The following MAP2K1 variants were observed in gnomAD, a reference collection of about 807,000 sequenced individuals.
The protein encoded by MAP2K1 is dual specificity mitogen-activated protein kinase kinase 1.
MAP2K1 carries 16 observed loss-of-function variants against 46.3 expected under a neutral mutation model. The ratio of observed to expected loss-of-function variants is 0.35; its 90% CI spans 0.23 to 0.52. The LOEUF is 0.52. Ranked by LOEUF, MAP2K1 falls within the 20% of genes least tolerant of loss-of-function variation. The pLI is 0.94. For missense variants in MAP2K1, 263 were observed against 497.1 expected, an observed-to-expected ratio of 0.53 and a Z score of 4.48; for synonymous variants, 183 against 185.6, an observed-to-expected ratio of 0.99 and a Z score of 0.11.
intron 3 of MAP2K1, among the ~76,000 whole-genome samples, chr15:66,438,714 G>A (rs1383298003): frequency 6.6e-6 from 1 of 152,186 alleles, no homozygotes; most frequent in South Asian, 2.1e-4. Flanking sequence ...ACAAGTCTCT[G>A]GAGTTATCGT....
Position 66,489,282 on chromosome 15 carries a change from T to G in MAP2K1, c.1022+6T>G, listed in dbSNP as rs781015814. On this transcript the variant is annotated splice_donor_region_variant and intron_variant, in intron 9 of 10. Transcript: ENST00000307102. ...CAAGATTTTGTGAATAAATGGTAAGTTGGCTCCTTGTTCTCTGGAAGCGTA... is the reference window on the plus strand; with the variant it reads ...CAAGATTTTGTGAATAAATGGTAAGGTGGCTCCTTGTTCTCTGGAAGCGTA... 1.2e-6 allele frequency: 2 copies of G among 1,613,192 alleles called. No homozygotes were observed. The highest frequency in any genetic ancestry group is 1.7e-6 in the Non-Finnish European group (2 of 1,179,122).
chr15:66,420,900 C>T (rs1196097533), intron 1 of MAP2K1, among the ~76,000 whole-genome samples: 14 of 126,912 alleles, frequency 1.1e-4, no homozygotes, highest in African/African-American at 3.6e-4. Context: ...TATACACATA[C>T]ATACATACAC....
intron 6 of MAP2K1, among the ~76,000 whole-genome samples, chr15:66,483,220 A>T (rs1892954128): frequency 6.6e-6 from 1 of 152,048 alleles, no homozygotes; most frequent in Non-Finnish European, 1.5e-5. Context: ...ACACATCCTC[A>T]TTCCTTCTTG....
chr15:66,434,519 G>A (rs1205746990), intron 1 of MAP2K1, among the ~76,000 whole-genome samples: 5 of 152,100 alleles, frequency 3.3e-5, no homozygotes, highest in African/African-American at 1.2e-4. Flanking sequence ...ATTTTTTGCT[G>A]TGACTTTTTT....
At chr15:66,424,273 A>G (rs1274236478) in intron 1 of MAP2K1, among the ~76,000 whole-genome samples, 1 of 148,216 alleles carries the variant, frequency 6.7e-6, no homozygotes, top group Non-Finnish European at 1.5e-5. Context: ...GGCCAGGCTG[A>G]TGTCGAACTC....
Position 66,491,085 on chromosome 15 carries a change from A to G in MAP2K1, c.*470A>G. 5.7e-6 allele frequency: 2 copies of G among 353,880 alleles called. No homozygotes were observed. Among genetic ancestry groups the G allele is most frequent in the South Asian group, 7.5e-5 (2 of 26,558 alleles). The allele number at this position is 353,880 out of a possible 1,614,324, so 21.9% of individuals were successfully genotyped here. ...TGCATGTGAAGCATGCTTTGCTGCT[A>G]TGAAAATGAGCATCAGAGAGTGTAC... On this transcript the variant is annotated 3_prime_UTR_variant, in exon 11 of 11. Transcript: ENST00000307102.
rs749280724 is a variant in MAP2K1, at chr15:66,490,696, T to G, written c.*81T>G. On this transcript the variant is annotated 3_prime_UTR_variant, in exon 11 of 11. Coordinates refer to ENST00000307102, the MANE Select transcript of MAP2K1 (RefSeq NM_002755.4). ...TTTGGGCCTCCTTCCCATGCCTGTC[T>G]CTGTTCAGATGTGCATTTCACCTGT... The G allele has an allele frequency of 2.1e-6, 2 of 950,670 alleles. No individual in the cohort carries two copies. The highest frequency in any genetic ancestry group is 2.6e-5 in the South Asian group (2 of 77,424). 58.9% of individuals were successfully genotyped at this position (950,670 alleles called of 1,614,324 possible).
At chr15:66,467,752 G>A (rs1340891056) in intron 5 of MAP2K1, among the ~76,000 whole-genome samples, 1 of 152,128 alleles carries the variant, frequency 6.6e-6, no homozygotes, top group African/African-American at 2.4e-5. Context: ...GTAGAGATGG[G>A]GTTTTACCAT....
chr15:66,392,077 GA>G (rs1229373495), intron 1 of MAP2K1, among the ~76,000 whole-genome samples: 1 of 152,032 alleles, frequency 6.6e-6, no homozygotes, highest in Admixed American at 6.6e-5. Flanking sequence ...CCTACATGAG[GA>G]GGGAATCTTG....
intron 1 of MAP2K1, among the ~76,000 whole-genome samples, chr15:66,389,639 A>C (rs2093352273): frequency 7.7e-6 from 1 of 129,472 alleles, no homozygotes; most frequent in Admixed American, 9.6e-5. Context: ...CAGTGGTGCG[A>C]TCTCGGCTCA....
Position 66,435,119 on chromosome 15 carries a change from A to G in MAP2K1, c.173A>G (p.Gln58Arg). Residue 58 changes from glutamine (Q) to arginine (R), a missense_variant, in exon 2 of 11, where the codon CAG (glutamine) becomes CGG (arginine). Coordinates refer to ENST00000307102, the MANE Select transcript of MAP2K1 (RefSeq NM_002755.4). Reference protein sequence around the residue: ...KRLEAFLTQKQKVGELKDDDF... With the variant: ...KRLEAFLTQKRKVGELKDDDF... The stretch of plus-strand genomic sequence containing the variant: ...CTTGAGGCCTTTCTTACCCAGAAGC[A>G]GAAGGTGGGAGAACTGAAGGATGAC... 6.2e-7 allele frequency: 1 copy of G among 1,614,136 alleles called. No individual in the cohort carries two copies. Among genetic ancestry groups the G allele is most frequent in the Non-Finnish European group, 8.5e-7 (1 of 1,179,974 alleles).
chr15:66,467,038 C>G (rs1892484967), intron 5 of MAP2K1, among the ~76,000 whole-genome samples: 1 of 151,998 alleles, frequency 6.6e-6, no homozygotes, highest in African/African-American at 2.4e-5. Context: ...AGTTTGAGAC[C>G]AGCCTGGCCA....
intron 1 of MAP2K1, 54 bp downstream of exon 1, chr15:66,387,481 G>A (rs4483802): frequency 3.3e-6 from 5 of 1,521,186 alleles, no homozygotes; most frequent in Non-Finnish European, 4.5e-6. Flanking sequence ...GGCCCGAGCC[G>A]GGGAGCAGGA....
intron 1 of MAP2K1, among the ~76,000 whole-genome samples, chr15:66,427,471 A>G (rs766149405): frequency 5.6e-4 from 85 of 151,766 alleles, no homozygotes; most frequent in Admixed American, 9.2e-4. Context: ...AGGCAGGAGA[A>G]TTGTGTGAAC....
chr15:66,490,394 C>T (rs923084286), intron 10 of MAP2K1, 108 bp from the exon 11 acceptor site: 26 of 857,192 alleles, frequency 3.0e-5, no homozygotes, highest in Non-Finnish European at 5.0e-5. Context: ...GTGCTCTTTC[C>T]AAGTGCAGCA....
At chr15:66,487,832 G>A (rs1021762870) in intron 8 of MAP2K1, among the ~76,000 whole-genome samples, 1 of 152,108 alleles carries the variant, frequency 6.6e-6, no homozygotes, top group Non-Finnish European at 1.5e-5. Flanking sequence ...TAGGCTAGGT[G>A]GTTCTGGGTG....
chr15:66,446,011 G>C (rs922387488), intron 5 of MAP2K1, among the ~76,000 whole-genome samples: 1 of 152,116 alleles, frequency 6.6e-6, no homozygotes, highest in Non-Finnish European at 1.5e-5. Context: ...ATCACCTGAG[G>C]TCAGGAGTTT....
At chr15:66,396,581 G>A (rs1369564595) in intron 1 of MAP2K1, among the ~76,000 whole-genome samples, 1 of 151,656 alleles carries the variant, frequency 6.6e-6, no homozygotes, top group Non-Finnish European at 1.5e-5. Context: ...GGATGGTACC[G>A]ATCTTTCAAG....
At chr15:66,490,358 C>A in intron 10 of MAP2K1, 144 bp from the exon 11 acceptor site, 1 of 750,228 alleles carries the variant, frequency 1.3e-6, no homozygotes, top group Non-Finnish European at 2.4e-6. Context: ...CAGCTGGCCC[C>A]ACTGTTGCTC....
Sources: allele counts gnomAD v4.1 joint callset (sites outside exome capture counted in the v4.1 genomes callset), GRCh38; gene constraint gnomAD v4.1.1; transcripts MANE v1.5; gene names NCBI Gene and HGNC (gene_info 2026-07-23, HGNC 2026-07-21).